Variants in DST observed in about 807,000 individuals in gnomAD.
The protein encoded by DST is dystonin, also known as bullous pemphigoid antigen.
DST carries 253 observed loss-of-function variants against 875.2 expected under a neutral mutation model. The observed-to-expected ratio is 0.29, with a 90% CI of 0.26 to 0.32. DST has a LOEUF of 0.32. Among genes scored for constraint, DST ranks in the 10% least tolerant of loss-of-function variants. The pLI, the probability that DST is intolerant of heterozygous loss-of-function variation, is 1.00. For synonymous variants in DST, 3,124 were observed against 3,197.1 expected, an observed-to-expected ratio of 0.98 and a Z score of 0.77; for missense variants, 8,287 against 9,111.6, an observed-to-expected ratio of 0.91 and a Z score of 3.68.
chr6:56,585,894 G>A (rs2098136834), intron 49 of DST, among the ~76,000 whole-genome samples: 1 of 152,192 alleles, frequency 6.6e-6, no homozygotes, highest in Admixed American at 6.5e-5. Flanking sequence ...TTTCCATGCA[G>A]TTGAGAGGTT....
At chr6:56,610,986 T>C (rs2098539766) in intron 38 of DST, among the ~76,000 whole-genome samples, 1 of 152,176 alleles carries the variant, frequency 6.6e-6, no homozygotes, top group African/African-American at 2.4e-5. Context: ...AGGTATACTA[T>C]AAAGTCATTA....
rs750273723 is a variant in DST at position 56,485,240 on chromosome 6, T to G, written c.21207+72A>C. The G allele has an allele frequency of 4.5e-6, 7 of 1,544,656 alleles. No homozygotes were observed. The South Asian group carries it at 7.9e-5, about 17-fold the overall frequency. ...GTCTTCTGATTTTAAAAGGCTAATT[T>G]AAATGGTTTACATTTCCTGTACACT... is the stretch of plus-strand genomic sequence containing the variant. On this transcript the variant is annotated intron_variant, in intron 88 of 103. Transcript: ENST00000680361.
In DST at chr6:56,458,922, A is replaced by C. The variant is rs936924815; in HGVS notation, c.*83T>G. On this transcript the variant is annotated 3_prime_UTR_variant, in exon 104 of 104. Coordinates refer to ENST00000680361, the MANE Select transcript of DST (RefSeq NM_001374736.1). The stretch of plus-strand genomic sequence containing the variant: ...TTAAACTCGCCTCTTGCAATATTTC[A>C]CAAGAATTTCTACACCATATTTTAC... 1.2e-5 allele frequency: 17 copies of C among 1,366,340 alleles called. No homozygotes were observed. Among genetic ancestry groups the C allele is most frequent in the Non-Finnish European group, 1.5e-5 (16 of 1,036,928 alleles). The allele number at this position is 1,366,340 out of a possible 1,614,324, so 84.6% of individuals were successfully genotyped here.
chr6:56,795,380 T>A (rs868365855), intron 4 of DST, among the ~76,000 whole-genome samples: 4 of 151,998 alleles, frequency 2.6e-5, no homozygotes, highest in African/African-American at 7.2e-5. Flanking sequence ...ACAAGATTTT[T>A]AAAATAATAG....
rs34119606 is a variant in DST, at chr6:56,870,431, C to CAAA, written c.418-18830_418-18828dup. Among the ~76,000 whole-genome samples the CAAA allele has an allele frequency of 1.7e-3, 86 of 50,998 alleles. 1 individual carries two copies. Among genetic ancestry groups the CAAA allele is most frequent in the Middle Eastern group, 0.011 (1 of 88 alleles). 33.5% of individuals were successfully genotyped at this position (50,998 alleles called of 152,430 possible). On this transcript the variant is annotated intron_variant, in intron 3 of 103. Coordinates refer to ENST00000680361, the MANE Select transcript of DST (RefSeq NM_001374736.1). ...TTCACTCTATTAAATCTTGCAACTG[C>CAAA]AAAAAAAAAAAAAAAAAAAAAAAGA...
intron 4 of DST, among the ~76,000 whole-genome samples, chr6:56,737,275 CA>C (rs1187990465): frequency 6.6e-6 from 1 of 152,132 alleles, no homozygotes; most frequent in Non-Finnish European, 1.5e-5. Context: ...TATAAAGTAA[CA>C]CAGATAAAGC....
At chr6:56,902,353 G>T (rs1471521381) in intron 2 of DST, among the ~76,000 whole-genome samples, 1 of 152,212 alleles carries the variant, frequency 6.6e-6, no homozygotes, top group Non-Finnish European at 1.5e-5. Context: ...AAGAATTTCA[G>T]AGAGATGAAC....
rs1777405043 is a variant in DST, at chr6:56,871,971, A to T, written c.418-20367T>A. Among the ~76,000 whole-genome samples the T allele has an allele frequency of 2.0e-5, 3 of 152,160 alleles. No individual in the cohort carries two copies. The South Asian group carries it at 6.2e-4, about 31-fold the overall frequency. On this transcript the variant is annotated intron_variant, in intron 3 of 103. Transcript: ENST00000680361. ...TTAGACGTGGCTGAGGAAAGTATAA[A>T]TGGGTGCAGGTATTTTGAAAAAGAG...
chr6:56,557,402 C>T lies in DST; in HGVS notation c.14557G>A (p.Val4853Met). 1.2e-6 allele frequency: 2 copies of T among 1,608,462 alleles called. No individual in the cohort carries two copies. Among genetic ancestry groups the T allele is most frequent in the Non-Finnish European group, 1.7e-6 (2 of 1,177,932 alleles). Reference protein sequence around the residue: ...TVEAQLKQWLVEKELMVSVLG... With the variant: ...TVEAQLKQWLMEKELMVSVLG... ...ACACTGACCATAAGTTCTTTTTCCA[C>T]AAGCCACTGTTTCAATTGGGCCTCT... The change falls in exon 59 of 104, where the codon GTG becomes ATG. Residue 4853 changes from valine to methionine, a missense_variant. Coordinates refer to ENST00000680361, the MANE Select transcript of DST (RefSeq NM_001374736.1).
chr6:56,700,751 C>CATAGTATATAAA (rs1321742618), intron 8 of DST, among the ~76,000 whole-genome samples: 1 of 152,066 alleles, frequency 6.6e-6, no homozygotes, highest in Admixed American at 6.6e-5. Flanking sequence ...TAACATTTTA[C>CATAGTATATAAA]TTCTTGGACA....
At chr6:56,517,869 T>C (rs2096625244) in intron 69 of DST, among the ~76,000 whole-genome samples, 2 of 152,166 alleles carry the variant, frequency 1.3e-5, no homozygotes, top group South Asian at 4.1e-4. Context: ...TTAGGACAGC[T>C]AGCACTATTG....
At chr6:56,752,814 G>T (rs1021794458) in intron 4 of DST, among the ~76,000 whole-genome samples, 1 of 151,374 alleles carries the variant, frequency 6.6e-6, no homozygotes, top group African/African-American at 2.4e-5. Context: ...TTTTTGAGAC[G>T]GAGTTTTGCT....
intron 50 of DST, among the ~76,000 whole-genome samples, chr6:56,575,605 T>A (rs981473091): frequency 6.6e-6 from 1 of 152,196 alleles, no homozygotes; most frequent in African/African-American, 2.4e-5. Flanking sequence ...AAAATTCATA[T>A]ATTGGGGCCA....
intron 53 of DST, among the ~76,000 whole-genome samples, chr6:56,571,784 T>C (rs1267224192): frequency 6.6e-6 from 1 of 152,204 alleles, no homozygotes; most frequent in East Asian, 1.9e-4. Context: ...AATAAAAATG[T>C]GATATTTGCC....
At position 56,463,140 on chromosome 6, in the gene DST, G is replaced by A. The variant is rs2094419429; in HGVS notation, c.22976C>T (p.Thr7659Ile). 6.2e-7 allele frequency: 1 copy of A among 1,610,244 alleles called. No individual in the cohort carries two copies. Among genetic ancestry groups the A allele is most frequent in the South Asian group, 1.1e-5 (1 of 90,988 alleles). Residue 7659 changes from threonine (T) to isoleucine (I), a missense_variant, in exon 102 of 104, where the codon ACA becomes ATA. Physicochemically the swap from Thr to Ile is moderately conservative, Grantham distance 89. Transcript: ENST00000680361. ...CAACCATGGTTTACCATAATTGCGT[G>A]TTAAAGGATGGAGAATCTGTATGGA... is the stretch of plus-strand genomic sequence containing the variant. ...TTTPKILHPL[T>I]RNYGKPWLTN...
At chr6:56,768,589 T>C (rs1372837337) in intron 4 of DST, among the ~76,000 whole-genome samples, 5 of 152,078 alleles carry the variant, frequency 3.3e-5, no homozygotes, top group Non-Finnish European at 7.4e-5. Flanking sequence ...ACTATAAAAC[T>C]TTAGGAAGAT....
At chr6:56,885,474 A>G (rs867766738) in intron 3 of DST, among the ~76,000 whole-genome samples, 5 of 152,258 alleles carry the variant, frequency 3.3e-5, no homozygotes, top group Middle Eastern at 3.4e-3. Context: ...TTTTAACAAC[A>G]TATTTGCTTA....
Position 56,485,407 on chromosome 6 carries a change from T to C in DST, c.21112A>G (p.Ile7038Val), listed in dbSNP as rs2095527917. 2 of 1,613,484 alleles carry C rather than the reference T, an allele frequency of 1.2e-6. No homozygotes were observed. The highest frequency in any genetic ancestry group is 1.7e-6 in the Non-Finnish European group (2 of 1,179,418). ...GQFTDALQAL[I>V]DWLYRVEPQL... is the part of the protein sequence containing the mutation. Reference sequence around the variant, plus strand: ...GGTTCAACTCTATATAACCAATCAATGAGAGCCTGTAGGGCATCTGTGAAT... The same window carrying C: ...GGTTCAACTCTATATAACCAATCAACGAGAGCCTGTAGGGCATCTGTGAAT... Residue 7038 changes from isoleucine (I) to valine (V), a missense_variant, in exon 88 of 104, where the codon ATT becomes GTT. Ile to Val is a conservative substitution (Grantham distance 29, BLOSUM62 3). Around this residue, in one of 10 missense-constraint regions of DST, gnomAD observed 1,292 missense variants for 1,552.7 expected, o/e 0.83. Coordinates refer to ENST00000680361, the MANE Select transcript of DST (RefSeq NM_001374736.1).
intron 75 of DST, among the ~76,000 whole-genome samples, chr6:56,507,343 T>A (rs772702726): frequency 6.6e-6 from 1 of 152,160 alleles, no homozygotes; most frequent in Non-Finnish European, 1.5e-5. Flanking sequence ...AAACACTGAA[T>A]AACCATAAAC....
Sources: gnomAD v4.1 joint callset for allele counts (sites outside exome capture counted in the v4.1 genomes callset) on GRCh38, gnomAD v4.1.1 for gene constraint, gnomAD v4.1.1 regional missense constraint, MANE v1.5 for transcripts, NCBI Gene and HGNC (gene_info 2026-07-23, HGNC 2026-07-21) for gene names.